The following SH3BP2 variants were observed in gnomAD, a reference collection of about 807,000 sequenced individuals.
SH3BP2 encodes the protein SH3 domain-binding protein 2.
SH3BP2 carries 38 observed loss-of-function variants against 56.2 expected under a neutral mutation model. The observed-to-expected ratio is 0.68, with a 90% CI of 0.52 to 0.89. SH3BP2 has a LOEUF of 0.89. SH3BP2 is among the 40% of genes least tolerant of loss of function. The pLI, the probability that SH3BP2 is intolerant of heterozygous loss-of-function variation, is 0.00. For synonymous variants in SH3BP2, 346 were observed against 316.7 expected, an observed-to-expected ratio of 1.09 and a Z score of -0.98; for missense variants, 748 against 762.6, an observed-to-expected ratio of 0.98 and a Z score of 0.23.
Position 2,830,111 on chromosome 4 carries a change from T to G in SH3BP2, c.1205T>G (p.Leu402Arg), listed in dbSNP as rs1724903131. The G allele has an allele frequency of 6.2e-7, 1 of 1,605,220 alleles. No homozygotes were observed. The change falls in exon 8 of 13, where the codon CTG (leucine) becomes CGG (arginine). Residue 402 changes from leucine (L) to arginine (R), a missense_variant. Around this residue, in one of 3 missense-constraint regions of SH3BP2, gnomAD observed 635 missense variants for 615.0 expected, o/e 1.03. Coordinates refer to ENST00000503393, the MANE Select transcript of SH3BP2 (RefSeq NM_001122681.2). ...VPEAMARPAVLPRPEKPQLPH... is the reference protein window; with the variant it reads ...VPEAMARPAVRPRPEKPQLPH... Reference sequence around the variant, plus strand: ...GAGGCCATGGCGCGGCCCGCAGTCCTGCCCAGGCCAGAGAAGCCGCAGCTC... The same window carrying G: ...GAGGCCATGGCGCGGCCCGCAGTCCGGCCCAGGCCAGAGAAGCCGCAGCTC...
chr4:2,800,396 C>T lies in SH3BP2; in HGVS notation c.-5+7258C>T, dbSNP rs1376163267. On this transcript the variant is annotated intron_variant, in intron 1 of 12. Coordinates refer to ENST00000503393, the MANE Select transcript of SH3BP2 (RefSeq NM_001122681.2). ...CCACCTCCCTGTCTGATGCAGCCTG[C>T]CCCTGCCTGAGCTGCCCGAGCCTGC... Among the ~76,000 whole-genome samples the T allele has an allele frequency of 5.3e-5, 8 of 152,186 alleles. No individual in the cohort carries two copies. The South Asian group carries it at 6.2e-4, about 12-fold the overall frequency.
intron 1 of SH3BP2, chr4:2,818,671 C>A: frequency 1.0e-6 from 1 of 986,100 alleles, no homozygotes; most frequent in Non-Finnish European, 1.2e-6. Context: ...TCGGGCCGGG[C>A]GCGGTTGGGC....
intron 1 of SH3BP2, chr4:2,796,294 G>T (rs1040381897): frequency 2.8e-5 from 13 of 463,750 alleles, no homozygotes; most frequent in African/African-American, 4.3e-5. Context: ...GGAGACCTGG[G>T]TCAGACAGGA....
At chr4:2,807,829 A>G (rs1313925381) in intron 1 of SH3BP2, among the ~76,000 whole-genome samples, 1 of 152,060 alleles carries the variant, frequency 6.6e-6, no homozygotes, top group Non-Finnish European at 1.5e-5. Context: ...ATGGCAGGTG[A>G]GGCTGGTGGA....
At position 2,822,945 on chromosome 4, in the gene SH3BP2, CT is replaced by C; in HGVS notation, c.150del (p.Phe50LeufsTer26). 1 of 1,613,990 alleles carries C rather than the reference CT, an allele frequency of 6.2e-7. No individual in the cohort carries two copies. The highest frequency in any genetic ancestry group is 8.5e-7 in the Non-Finnish European group (1 of 1,179,904). ...TGCCACCTCCCACAGGGCCCCTGCG[CT>C]TTGTCATCATCCACAAACGCTGCGT... Reference protein sequence around the residue: ...QLQLLKWPLRFVIIHKRCVYY... With the variant: ...QLQLLKWPLRXVIIHKRCVYY... On this transcript the variant is annotated frameshift_variant, in exon 3 of 13. Coordinates refer to ENST00000503393, the MANE Select transcript of SH3BP2 (RefSeq NM_001122681.2). LOFTEE classifies it high-confidence loss of function.
rs184370367 is a variant in SH3BP2 at position 2,803,104 on chromosome 4, C to T, written c.-5+9966C>T. Among the ~76,000 whole-genome samples, 790 of 152,316 alleles carry T rather than the reference C, an allele frequency of 5.2e-3. 8 individuals carry two copies. Among genetic ancestry groups the T allele is most frequent in the Non-Finnish European group, 8.6e-3 (588 of 68,018 alleles). On this transcript the variant is annotated intron_variant, in intron 1 of 12. Coordinates refer to ENST00000503393, the MANE Select transcript of SH3BP2 (RefSeq NM_001122681.2). ...GACCGCCACGGTACGAAAAGTACCA[C>T]GGTGATGAGTGAAAGGGACAGGCGG...
intron 6 of SH3BP2, 64 bp downstream of exon 6, chr4:2,827,382 T>A: frequency 6.9e-7 from 1 of 1,447,720 alleles, no homozygotes; most frequent in Non-Finnish European, 9.7e-7. Context: ...TCTTGGCCGC[T>A]GTGGAGGAGA....
chr4:2,826,131 C>T (rs1724601698), intron 5 of SH3BP2, among the ~76,000 whole-genome samples: 1 of 152,272 alleles, frequency 6.6e-6, no homozygotes, highest in African/African-American at 2.4e-5. Context: ...GACGTGGGCA[C>T]AGTCAGGGCG....
At chr4:2,797,089 G>A (rs1257176493) in intron 1 of SH3BP2, among the ~76,000 whole-genome samples, 2 of 152,146 alleles carry the variant, frequency 1.3e-5, no homozygotes, top group Admixed American at 6.5e-5. Flanking sequence ...CTTCAGCCTC[G>A]ATCCAGGGGT....
chr4:2,835,132 T>C lies in SH3BP2; in HGVS notation c.*1298T>C, dbSNP rs1444417574. ...GCTGGCAGGGACCCTAGAATCCTTG[T>C]GATTTTTCTTAGCACCTTATGTCAG... On this transcript the variant is annotated 3_prime_UTR_variant, in exon 13 of 13. Transcript: ENST00000503393. 1 of 152,186 alleles carries C rather than the reference T, an allele frequency of 6.6e-6. No homozygotes were observed. Among genetic ancestry groups the C allele is most frequent in the Non-Finnish European group, 1.5e-5 (1 of 68,022 alleles). The allele number at this position is 152,186 out of a possible 1,614,324, so 9.4% of individuals were successfully genotyped here. A position where few individuals can be genotyped will look rare whatever the true frequency, so the allele number is the denominator to read the frequency against.
At chr4:2,827,797 T>A in intron 7 of SH3BP2, 123 bp downstream of exon 7, 1 of 776,358 alleles carries the variant, frequency 1.3e-6, no homozygotes, top group South Asian at 1.5e-5. Context: ...GGCTTCCGCT[T>A]CCCTGCTGTG....
chr4:2,809,805 T>C (rs368875958), intron 1 of SH3BP2: 2 of 985,612 alleles, frequency 2.0e-6, no homozygotes, highest in Non-Finnish European at 2.4e-6. Flanking sequence ...CTGCCTGCCC[T>C]GCTGGCTGGC....
At chr4:2,794,381 CT>C (rs1722994389) in intron 1 of SH3BP2, 1 of 152,194 alleles carries the variant, frequency 6.6e-6, no homozygotes, top group Admixed American at 6.5e-5. Flanking sequence ...ACTCTGTCCA[CT>C]GTCTCCTCTA....
rs557805634 is a variant in SH3BP2, at chr4:2,814,523, C to T, written c.-4-6091C>T. Among the ~76,000 whole-genome samples, 5 of 152,344 alleles carry T rather than the reference C, an allele frequency of 3.3e-5. No individual in the cohort carries two copies. The South Asian group carries it at 6.2e-4, about 19-fold the overall frequency. On this transcript the variant is annotated intron_variant, in intron 1 of 12. Coordinates refer to ENST00000503393, the MANE Select transcript of SH3BP2 (RefSeq NM_001122681.2). ...GCACACACACACACACACGCACACA[C>T]GCACAAGTGTACAGGCTCAAATGCA...
chr4:2,834,195 G>T lies in SH3BP2; in HGVS notation c.*361G>T, dbSNP rs1037985232. 9.1e-6 allele frequency: 2 copies of T among 218,814 alleles called. No individual in the cohort carries two copies. The highest frequency in any genetic ancestry group is 2.3e-5 in the African/African-American group (1 of 43,762). The allele number at this position is 218,814 out of a possible 1,614,324, so 13.6% of individuals were successfully genotyped here. On this transcript the variant is annotated 3_prime_UTR_variant, in exon 13 of 13. Transcript: ENST00000503393. ...AGCCAGGCAGGGCCAGGGCAGCTGGGTGGGGGCCGGGGCTGGCCCTGGGAC... is the reference window on the plus strand; with the variant it reads ...AGCCAGGCAGGGCCAGGGCAGCTGGTTGGGGGCCGGGGCTGGCCCTGGGAC...
chr4:2,827,205 C>G (rs746283538), intron 5 of SH3BP2, 25 bp from the exon 6 acceptor site: 1 of 1,608,210 alleles, frequency 6.2e-7, no homozygotes, highest in Non-Finnish European at 8.5e-7. Flanking sequence ...GCTCACCGTC[C>G]GCCCCAACGC....
At position 2,826,571 on chromosome 4, in the gene SH3BP2, G is replaced by T. The variant is rs1396599887; in HGVS notation, c.429-659G>T. ...GTGTGTGTGTGCATGTCTGCATGTT[G>T]CTCTGTGTGTGTGTGCATGTCTGTG... is the stretch of plus-strand genomic sequence containing the variant. On this transcript the variant is annotated intron_variant, in intron 5 of 12. Transcript: ENST00000503393. The T allele has an allele frequency of 3.2e-5, 8 of 252,684 alleles. No homozygotes were observed. The East Asian group carries it at 4.6e-4, about 15-fold the overall frequency. The allele number at this position is 252,684 out of a possible 1,614,324, so 15.7% of individuals were successfully genotyped here.
At chr4:2,811,006 C>T (rs2108711925) in intron 1 of SH3BP2, among the ~76,000 whole-genome samples, 1 of 152,352 alleles carries the variant, frequency 6.6e-6, no homozygotes, top group African/African-American at 2.4e-5. Flanking sequence ...GAGGCTGGCA[C>T]AGGCTGGGGA....
chr4:2,805,317 G>A (rs1723487782), intron 1 of SH3BP2, among the ~76,000 whole-genome samples: 1 of 152,206 alleles, frequency 6.6e-6, no homozygotes, highest in South Asian at 2.1e-4. Flanking sequence ...GCTGGGGCCG[G>A]GAGGTCACCC....
Sources: gnomAD v4.1 joint callset for allele counts (sites outside exome capture counted in the v4.1 genomes callset) on GRCh38, gnomAD v4.1.1 for gene constraint, gnomAD v4.1.1 regional missense constraint, MANE v1.5 for transcripts, NCBI Gene and HGNC (gene_info 2026-07-23, HGNC 2026-07-21) for gene names.